ALDH1L1: variants seen among roughly 807,000 people sequenced by gnomAD.
ALDH1L1 encodes cytosolic 10-formyltetrahydrofolate dehydrogenase.
ALDH1L1 carries 68 observed loss-of-function variants against 101.1 expected under a neutral mutation model. The ratio of observed to expected loss-of-function variants is 0.67; its 90% confidence interval spans 0.55 to 0.82. The LOEUF is 0.82. Ranked by LOEUF, ALDH1L1 falls within the 40% of genes least tolerant of loss-of-function variation. The pLI, the probability that ALDH1L1 is intolerant of heterozygous loss-of-function variation, is 0.00. For synonymous variants in ALDH1L1, 486 were observed against 470.8 expected (o/e 1.03, Z -0.42); for missense variants, 1,087 against 1,172.7 (o/e 0.93, Z 1.07).
In ALDH1L1 at chr3:126,158,704, C is replaced by T. The variant is rs1002279497; in HGVS notation, c.128-65G>A. Reference sequence around the variant, plus strand: ...CCCACCCACACGCAGCCACCTCTGCCTTCCCAGCAGAGCAGCTCATAGGAC... The same window carrying T: ...CCCACCCACACGCAGCCACCTCTGCTTTCCCAGCAGAGCAGCTCATAGGAC... On this transcript the variant is annotated intron_variant, in intron 2 of 22. Transcript: ENST00000393434. 3 of 1,487,996 alleles carry T rather than the reference C, an allele frequency of 2.0e-6. No homozygotes were observed. In the Admixed American group the frequency reaches 5.1e-5, roughly 25 times the overall value. 92.2% of individuals were successfully genotyped at this position (1,487,996 alleles called of 1,614,324 possible). A position where few individuals can be genotyped will look rare whatever the true frequency, so the allele number is the denominator to read the frequency against.
chr3:126,135,766 C>T, intron 11 of ALDH1L1, 104 bp from the exon 12 acceptor site: 1 of 1,359,766 alleles, frequency 7.4e-7, no homozygotes, highest in Non-Finnish European at 9.7e-7. Flanking sequence ...TGAGGCGGCC[C>T]CTGTCCACAT....
At chr3:126,188,943 T>G (rs1372370370) in intron 1 of ALDH1L1, among the ~76,000 whole-genome samples, 1 of 151,756 alleles carries the variant, frequency 6.6e-6, no homozygotes, top group Non-Finnish European at 1.5e-5. Flanking sequence ...AGCCTGTTTG[T>G]TGTTTTTTTG....
chr3:126,110,175 T>G lies in ALDH1L1; in HGVS notation c.2182-66A>C. The G allele has an allele frequency of 1.9e-6, 3 of 1,588,848 alleles. No homozygotes were observed. The South Asian group carries it at 3.4e-5, about 18-fold the overall frequency. On this transcript the variant is annotated intron_variant, in intron 19 of 22. Coordinates refer to ENST00000393434, the MANE Select transcript of ALDH1L1 (RefSeq NM_012190.4). ...ACAGTTTCTGACAATGATCCTCACC[T>G]GACTCAGCTCTCATGGCTGACCCCT... is the stretch of plus-strand genomic sequence containing the variant.
intron 9 of ALDH1L1, among the ~76,000 whole-genome samples, chr3:126,139,007 C>T (rs2080511445): frequency 6.6e-6 from 1 of 152,216 alleles, no homozygotes; most frequent in Non-Finnish European, 1.5e-5. Flanking sequence ...TGTCACCCCC[C>T]ACCTCCCACC....
At chr3:126,155,125 C>A (rs1420424531) in intron 5 of ALDH1L1, among the ~76,000 whole-genome samples, 2 of 152,198 alleles carry the variant, frequency 1.3e-5, no homozygotes, top group African/African-American at 4.8e-5. Flanking sequence ...CCCCCTAACT[C>A]CCACTCTTAT....
intron 8 of ALDH1L1, among the ~76,000 whole-genome samples, chr3:126,147,210 C>T (rs2108272554): frequency 6.6e-6 from 1 of 152,266 alleles, no homozygotes; most frequent in African/African-American, 2.4e-5. Context: ...CATGACAGTC[C>T]AGCTGATGGA....
chr3:126,154,688 C>T, intron 5 of ALDH1L1, 45 bp from the exon 6 acceptor site: 1 of 1,561,358 alleles, frequency 6.4e-7, no homozygotes, highest in Non-Finnish European at 8.8e-7. Context: ...TCTCCTCACT[C>T]CCCTCCCACC....
In ALDH1L1 at chr3:126,114,587, A is replaced by T. The variant is rs1689150548; in HGVS notation, c.2052T>A (p.Ala684=). Residue 684 remains alanine, a synonymous_variant, in exon 18 of 23, where the codon GCT becomes GCA. Coordinates refer to ENST00000393434, the MANE Select transcript of ALDH1L1 (RefSeq NM_012190.4). ...LGGKSPLIIF[A]DCDLNKAVQM... is the part of the protein sequence containing the mutation. The stretch of plus-strand genomic sequence containing the variant: ...GCACAGCCTTGTTGAGGTCACAGTC[A>T]GCAAAGATGATGAGGGGTGACTTCC... The T allele has an allele frequency of 3.3e-6, 5 of 1,510,320 alleles. No individual in the cohort carries two copies. The allele number at this position is 1,510,320 out of a possible 1,614,324, so 93.6% of individuals were successfully genotyped here. A position where few individuals can be genotyped will look rare whatever the true frequency, so the allele number is the denominator to read the frequency against.
At chr3:126,194,807 C>A (rs2081572796) in intron 1 of ALDH1L1, among the ~76,000 whole-genome samples, 1 of 152,098 alleles carries the variant, frequency 6.6e-6, no homozygotes, top group Non-Finnish European at 1.5e-5. Flanking sequence ...ACACATTTCA[C>A]TCTCCTCACA....
At chr3:126,197,371 T>C (rs1396434526) in intron 1 of ALDH1L1, among the ~76,000 whole-genome samples, 2 of 152,188 alleles carry the variant, frequency 1.3e-5, no homozygotes, top group Non-Finnish European at 2.9e-5. Flanking sequence ...GAATTTTTTT[T>C]CCCACCTAAA....
At chr3:126,118,243 C>A (rs116712084) in intron 16 of ALDH1L1, 145 bp from the exon 17 acceptor site, 12 of 667,124 alleles carry the variant, frequency 1.8e-5, no homozygotes, top group African/African-American at 1.8e-4. Context: ...GTGCCTGGGG[C>A]TCATGGAGCC....
At chr3:126,137,707 C>A in intron 10 of ALDH1L1, 106 bp downstream of exon 10, 2 of 1,458,584 alleles carry the variant, frequency 1.4e-6, no homozygotes, top group Non-Finnish European at 9.2e-7. Context: ...GCTCCTGGGG[C>A]CCTGGCTTTC....
At chr3:126,111,882 C>G (rs967890545) in intron 19 of ALDH1L1, among the ~76,000 whole-genome samples, 8 of 152,166 alleles carry the variant, frequency 5.3e-5, no homozygotes, top group African/African-American at 1.4e-4. Flanking sequence ...GCTTGCTCCC[C>G]CCCTGGTATC....
intron 5 of ALDH1L1, among the ~76,000 whole-genome samples, chr3:126,155,168 A>G (rs1267583916): frequency 6.6e-6 from 1 of 152,020 alleles, no homozygotes; most frequent in Non-Finnish European, 1.5e-5. Context: ...CATTCCTCCT[A>G]AAGAGGAACA....
At chr3:126,191,004 C>G (rs1247552537) in intron 1 of ALDH1L1, among the ~76,000 whole-genome samples, 1 of 152,194 alleles carries the variant, frequency 6.6e-6, no homozygotes, top group Middle Eastern at 3.2e-3. Context: ...CATACCCCAC[C>G]TGACATTTTC....
intron 16 of ALDH1L1, 86 bp from the exon 17 acceptor site, chr3:126,118,184 C>T (rs1041825773): frequency 9.0e-7 from 1 of 1,105,002 alleles, no homozygotes; most frequent in African/African-American, 1.5e-5. Flanking sequence ...CACAGGTTCA[C>T]TGGGGGTCTG....
rs2080785003 is a variant in ALDH1L1, at chr3:126,150,411, C to A, written c.979G>T (p.Val327Leu). The A allele has an allele frequency of 2.6e-6, 4 of 1,551,068 alleles. No homozygotes were observed. Among genetic ancestry groups the A allele is most frequent in the Non-Finnish European group, 3.5e-6 (4 of 1,146,772 alleles). The part of the protein sequence containing the change: ...TEAELVTAEA[V>L]RSVWQRILPK... ...GCCCTGAAGTTGCCTCTTACCCGCA[C>A]AGCCTCCGCAGTAACCAGCTCTGCC... Residue 327 changes from valine (V) to leucine (L), a missense_variant, in exon 8 of 23, where the codon GTG becomes TTG. This residue lies in a region of ALDH1L1 where 645 missense variants were observed against 637.0 expected (regional missense o/e 1.01). Coordinates refer to ENST00000393434, the MANE Select transcript of ALDH1L1 (RefSeq NM_012190.4).
At chr3:126,142,705 G>A (rs185209246) in intron 9 of ALDH1L1, among the ~76,000 whole-genome samples, 50 of 152,222 alleles carry the variant, frequency 3.3e-4, no homozygotes, top group Non-Finnish European at 6.5e-4. Flanking sequence ...TATAATAAAG[G>A]CCATATTTGA....
intron 14 of ALDH1L1, among the ~76,000 whole-genome samples, chr3:126,126,776 CAG>C (rs1175797722): frequency 6.6e-6 from 1 of 152,210 alleles, no homozygotes; most frequent in Non-Finnish European, 1.5e-5. Flanking sequence ...CCCTAATCTC[CAG>C]AGTCTAATGG....
Sources: allele counts gnomAD v4.1 joint callset (sites outside exome capture counted in the v4.1 genomes callset), GRCh38; gene constraint gnomAD v4.1.1; regional missense constraint gnomAD v4.1.1; transcripts MANE v1.5; gene names NCBI Gene and HGNC (gene_info 2026-07-23, HGNC 2026-07-21).